ST8SIA6: variants seen among roughly 807,000 people sequenced by gnomAD.
ST8SIA6 encodes the protein ST8 alpha-N-acetyl-neuraminide alpha-2,8-sialyltransferase 6.
In ST8SIA6, 39 loss-of-function variants were observed where a neutral mutation model predicts 33.6. The observed-to-expected ratio is 1.16, with a 90% CI of 0.90 to 1.52. The LOEUF is 1.52. ST8SIA6 is among the 40% of genes most tolerant of loss of function. The pLI is 0.00. For synonymous variants in ST8SIA6, 172 were observed against 167.2 expected (o/e 1.03, Z -0.22); for missense variants, 441 against 443.8 (o/e 0.99, Z 0.06).
intron 2 of ST8SIA6, among the ~76,000 whole-genome samples, chr10:17,417,262 A>G (rs998618747): frequency 6.6e-6 from 1 of 152,050 alleles, no homozygotes; most frequent in South Asian, 2.1e-4. Context: ...ATCTGCCCCC[A>G]TGACCCAAAC....
intron 2 of ST8SIA6, among the ~76,000 whole-genome samples, chr10:17,393,481 C>T (rs1850693966): frequency 6.6e-6 from 1 of 152,188 alleles, no homozygotes; most frequent in Non-Finnish European, 1.5e-5. Context: ...GAAGGTCTTG[C>T]CCTGTATCCA....
At chr10:17,346,155 G>T (rs571280000) in intron 4 of ST8SIA6, among the ~76,000 whole-genome samples, 3 of 152,194 alleles carry the variant, frequency 2.0e-5, no homozygotes, top group South Asian at 2.1e-4. Context: ...ACATATGGAG[G>T]TTCCTTTGAA....
chr10:17,416,472 C>T (rs1851612248), intron 2 of ST8SIA6, among the ~76,000 whole-genome samples: 1 of 152,218 alleles, frequency 6.6e-6, no homozygotes, highest in Non-Finnish European at 1.5e-5. Flanking sequence ...AATTGGACGT[C>T]TAATAGTCTT....
intron 3 of ST8SIA6, among the ~76,000 whole-genome samples, chr10:17,384,057 C>T (rs1359518983): frequency 6.6e-6 from 1 of 152,184 alleles, no homozygotes; most frequent in Non-Finnish European, 1.5e-5. Context: ...ATTGGAGAAA[C>T]TGGTTATTTT....
In ST8SIA6 at chr10:17,316,682, C is replaced by T. The variant is rs759834724; in HGVS notation, c.*4196G>A. Reference sequence around the variant, plus strand: ...CCAATGCAATGGATGTAGTATCTCACTTTCATTTGCATTTCTCAGGTTACT... The same window carrying T: ...CCAATGCAATGGATGTAGTATCTCATTTTCATTTGCATTTCTCAGGTTACT... On this transcript the variant is annotated 3_prime_UTR_variant, in exon 8 of 8. Coordinates refer to ENST00000377602, the MANE Select transcript of ST8SIA6 (RefSeq NM_001004470.3). 6.6e-6 allele frequency among the ~76,000 whole-genome samples: 1 copy of T among 152,108 alleles called. No individual in the cohort carries two copies. The highest frequency in any genetic ancestry group is 1.5e-5 in the Non-Finnish European group (1 of 67,984).
chr10:17,363,933 T>G (rs1849477040), intron 3 of ST8SIA6, among the ~76,000 whole-genome samples: 1 of 152,330 alleles, frequency 6.6e-6, no homozygotes, highest in Middle Eastern at 3.4e-3. Flanking sequence ...GGTAAGACTT[T>G]GCTGCCACAT....
In ST8SIA6 at chr10:17,356,236, A is replaced by G. The variant is rs548099079; in HGVS notation, c.377+3278T>C. Among the ~76,000 whole-genome samples, 4 of 152,284 alleles carry G rather than the reference A, an allele frequency of 2.6e-5. No individual in the cohort carries two copies. The South Asian group carries it at 8.3e-4, about 32-fold the overall frequency. The stretch of plus-strand genomic sequence containing the variant: ...CCAGCACTCTAGCAGGAACAAAAAA[A>G]GACTACAGTGCTCTAAACTATACAG... On this transcript the variant is annotated intron_variant, in intron 4 of 7. Coordinates refer to ENST00000377602, the MANE Select transcript of ST8SIA6 (RefSeq NM_001004470.3).
chr10:17,448,806 T>TTG (rs1852814479), intron 2 of ST8SIA6, among the ~76,000 whole-genome samples: 1 of 140,072 alleles, frequency 7.1e-6, no homozygotes, highest in African/African-American at 2.7e-5. Flanking sequence ...TTTTTTTTTG[T>TTG]TAGAGACAGG....
At chr10:17,447,537 TAG>T (rs1017314305) in intron 2 of ST8SIA6, among the ~76,000 whole-genome samples, 1 of 150,950 alleles carries the variant, frequency 6.6e-6, no homozygotes, top group African/African-American at 2.4e-5. Context: ...CTAAAAATAT[TAG>T]ACTTATGCAA....
intron 3 of ST8SIA6, 120 bp downstream of exon 3, chr10:17,390,411 C>T (rs1850546184): frequency 2.4e-6 from 2 of 819,268 alleles, no homozygotes; most frequent in Non-Finnish European, 3.9e-6. Flanking sequence ...CTTCAGAGCC[C>T]AATGGTAAGC....
At chr10:17,398,927 C>T (rs1260424339) in intron 2 of ST8SIA6, among the ~76,000 whole-genome samples, 1 of 152,132 alleles carries the variant, frequency 6.6e-6, no homozygotes, top group African/African-American at 2.4e-5. Flanking sequence ...GTAATGTAGC[C>T]ACCGCCCCTG....
intron 2 of ST8SIA6, among the ~76,000 whole-genome samples, chr10:17,446,316 T>C (rs1852704871): frequency 6.6e-6 from 1 of 152,194 alleles, no homozygotes; most frequent in African/African-American, 2.4e-5. Flanking sequence ...ATCATACTTT[T>C]GAAAAACAGT....
intron 3 of ST8SIA6, among the ~76,000 whole-genome samples, chr10:17,382,824 A>G (rs1850200852): frequency 6.6e-6 from 1 of 152,246 alleles, no homozygotes; most frequent in African/African-American, 2.4e-5. Flanking sequence ...GCCGATTTTG[A>G]AAGTTAAAAT....
At position 17,323,146 on chromosome 10, in the gene ST8SIA6, G is replaced by A. The variant is rs182629299; in HGVS notation, c.647C>T (p.Pro216Leu). 1.8e-4 allele frequency: 284 copies of A among 1,612,714 alleles called. 1 individual carries two copies. The highest frequency in any genetic ancestry group is 3.3e-4 in the Middle Eastern group (2 of 6,038). ...KSDFVFRCNLPPTTGDVSKDV... is the reference protein window; with the variant it reads ...KSDFVFRCNLLPTTGDVSKDV... The stretch of plus-strand genomic sequence containing the variant: ...TTTACTAACATCTCCTGTGGTTGGG[G>A]GTAGGTTACACCTGAAATTTGAAAA... The change falls in exon 7 of 8, where the codon CCC (proline) becomes CTC (leucine). Residue 216 changes from proline to leucine, a missense_variant. Coordinates refer to ENST00000377602, the MANE Select transcript of ST8SIA6 (RefSeq NM_001004470.3).
intron 2 of ST8SIA6, among the ~76,000 whole-genome samples, chr10:17,404,707 G>A (rs757955995): frequency 2.0e-5 from 3 of 151,982 alleles, no homozygotes; most frequent in African/African-American, 4.8e-5. Context: ...CACTGACCCC[G>A]CTGCGCTGCT....
intron 4 of ST8SIA6, among the ~76,000 whole-genome samples, chr10:17,349,982 C>T (rs1848978004): frequency 6.6e-6 from 1 of 152,018 alleles, no homozygotes; most frequent in Admixed American, 6.6e-5. Context: ...ATGTATTAAT[C>T]GTGGCTAGTG....
intron 2 of ST8SIA6, among the ~76,000 whole-genome samples, chr10:17,412,973 A>G (rs561348745): frequency 1.3e-5 from 2 of 152,362 alleles, no homozygotes; most frequent in South Asian, 2.1e-4. Context: ...TTATGCATCA[A>G]TTAACAAAAG....
At chr10:17,388,717 T>C (rs1470782248) in intron 3 of ST8SIA6, among the ~76,000 whole-genome samples, 1 of 152,202 alleles carries the variant, frequency 6.6e-6, no homozygotes, top group Admixed American at 6.5e-5. Context: ...GCTTCTAATC[T>C]TTAAGCTGTC....
At chr10:17,407,872 G>A (rs1455278756) in intron 2 of ST8SIA6, 1 of 152,416 alleles carries the variant, frequency 6.6e-6, no homozygotes, top group Non-Finnish European at 1.5e-5. Context: ...ATAGGCAGAA[G>A]GGTTTGTGGG....
Sources: allele counts gnomAD v4.1 joint callset (sites outside exome capture counted in the v4.1 genomes callset), GRCh38; gene constraint gnomAD v4.1.1; transcripts MANE v1.5; gene names NCBI Gene and HGNC (gene_info 2026-07-23, HGNC 2026-07-21).